Variants in ASF1A observed in about 807,000 individuals in gnomAD.
ASF1A encodes histone chaperone ASF1A.
Under a neutral mutation model 22.0 loss-of-function variants are expected in ASF1A, and 5 were observed. That is an observed-to-expected ratio of 0.23 (90% CI 0.12 to 0.48). The LOEUF (loss-of-function observed/expected upper bound fraction) is 0.48, where lower values mean the gene tolerates loss of function less well. ASF1A is among the 20% of genes least tolerant of loss of function. The pLI is 0.99. For synonymous variants in ASF1A, 97 were observed against 86.7 expected, an observed-to-expected ratio of 1.12 and a Z score of -0.66; for missense variants, 137 against 240.6, an observed-to-expected ratio of 0.57 and a Z score of 2.85.
In ASF1A at chr6:118,907,431, C is replaced by T; in HGVS notation, c.432C>T (p.Pro144=). 1.9e-6 allele frequency: 3 copies of T among 1,608,362 alleles called. No individual in the cohort carries two copies. The highest frequency in any genetic ancestry group is 2.5e-6 in the Non-Finnish European group (3 of 1,176,880). ...AAAGGAATATTTTGGCATCTAATCC[C>T]AGGGTCACAAGATTCCACATTAATT... ...KLQRNILASN[P]RVTRFHINWE... The change falls in exon 4 of 4, where the codon CCC becomes CCT. Residue 144 remains proline, a synonymous_variant. Transcript: ENST00000229595.
intron 1 of ASF1A, among the ~76,000 whole-genome samples, chr6:118,894,801 G>C (rs930905206): frequency 4.6e-5 from 7 of 152,332 alleles, no homozygotes; most frequent in Admixed American, 2.6e-4. Flanking sequence ...GGGCAGCTCG[G>C]AGACCCGCAC....
chr6:118,899,189 T>C (rs1454181033), intron 1 of ASF1A, among the ~76,000 whole-genome samples: 3 of 152,232 alleles, frequency 2.0e-5, no homozygotes, highest in Non-Finnish European at 4.4e-5. Context: ...TTACACTCTA[T>C]ATTGAACACA....
chr6:118,906,157 C>CT (rs1470939073), intron 3 of ASF1A, among the ~76,000 whole-genome samples: 1 of 152,182 alleles, frequency 6.6e-6, no homozygotes, highest in East Asian at 1.9e-4. Flanking sequence ...ACTGCAACCT[C>CT]TGCCTCCTAG....
In ASF1A at chr6:118,907,538, C is replaced by T. The variant is rs1213766722; in HGVS notation, c.539C>T (p.Pro180Leu). The change falls in exon 4 of 4, where the codon CCT (proline) becomes CTT (leucine). Residue 180 changes from proline (P) to leucine (L), a missense_variant. Physicochemically the swap from Pro to Leu is moderately conservative, Grantham distance 98 (BLOSUM62 -3). Around this residue, in one of 2 missense-constraint regions of ASF1A, gnomAD observed 41 missense variants for 43.9 expected, o/e 0.93. Coordinates refer to ENST00000229595, the MANE Select transcript of ASF1A (RefSeq NM_014034.3). ...TCACTTCTTTCAACAGATGCATTAC[C>T]TTCAGCATCAAAGGGATGGTCCACA... Reference protein sequence around the residue: ...LQSLLSTDALPSASKGWSTSE... With the variant: ...LQSLLSTDALLSASKGWSTSE... 4 of 1,613,664 alleles carry T rather than the reference C, an allele frequency of 2.5e-6. No homozygotes were observed. Among genetic ancestry groups the T allele is most frequent in the Non-Finnish European group, 3.4e-6 (4 of 1,179,680 alleles).
intron 2 of ASF1A, among the ~76,000 whole-genome samples, chr6:118,901,258 C>T (rs1779782298): frequency 6.6e-6 from 1 of 152,160 alleles, no homozygotes; most frequent in South Asian, 2.1e-4. Flanking sequence ...CTAAAACTAA[C>T]TGGCATTGTT....
In ASF1A at chr6:118,907,871, C is replaced by T. The variant is rs1780281022; in HGVS notation, c.*257C>T. The T allele has an allele frequency of 3.0e-6, 1 of 328,134 alleles. No individual in the cohort carries two copies. Among genetic ancestry groups the T allele is most frequent in the Non-Finnish European group, 5.6e-6 (1 of 177,678 alleles). 20.3% of individuals were successfully genotyped at this position (328,134 alleles called of 1,614,324 possible). On this transcript the variant is annotated 3_prime_UTR_variant, in exon 4 of 4. Coordinates refer to ENST00000229595, the MANE Select transcript of ASF1A (RefSeq NM_014034.3). ...ATTAAAGCATATATATTATTTTCTTCTCCTTTATATGTAATGAAAGCACTT... is the reference window on the plus strand; with the variant it reads ...ATTAAAGCATATATATTATTTTCTTTTCCTTTATATGTAATGAAAGCACTT...
intron 1 of ASF1A, among the ~76,000 whole-genome samples, chr6:118,899,843 T>A (rs1779681789): frequency 6.6e-6 from 1 of 152,212 alleles, no homozygotes; most frequent in Non-Finnish European, 1.5e-5. Context: ...TAACAGTGTG[T>A]TGAATGCAAG....
At chr6:118,902,701 C>A (rs906331142) in intron 2 of ASF1A, among the ~76,000 whole-genome samples, 2 of 152,098 alleles carry the variant, frequency 1.3e-5, no homozygotes, top group Non-Finnish European at 2.9e-5. Context: ...GTGATCTTCA[C>A]GTAGTTTTAC....
chr6:118,902,528 CTT>C (rs33980013), intron 2 of ASF1A, among the ~76,000 whole-genome samples: 11 of 131,474 alleles, frequency 8.4e-5, no homozygotes, highest in African/African-American at 2.0e-4. Flanking sequence ...ACTGATAATA[CTT>C]TTTTTTTTTT....
chr6:118,901,516 T>C (rs1393566902), intron 2 of ASF1A, among the ~76,000 whole-genome samples: 1 of 152,196 alleles, frequency 6.6e-6, no homozygotes, highest in African/African-American at 2.4e-5. Flanking sequence ...GTGAAGAGAA[T>C]TTCTAGTAAT....
chr6:118,899,959 CAA>C (rs1779691671), intron 1 of ASF1A, among the ~76,000 whole-genome samples: 1 of 152,142 alleles, frequency 6.6e-6, no homozygotes, highest in African/African-American at 2.4e-5. Flanking sequence ...GAGACTCCTC[CAA>C]AGAGTTCTAC....
At chr6:118,896,836 A>AT (rs11304871) in intron 1 of ASF1A, among the ~76,000 whole-genome samples, 75 of 149,656 alleles carry the variant, frequency 5.0e-4, no homozygotes, top group East Asian at 1.4e-3. Flanking sequence ...AAACTATAGA[A>AT]TTTTTTTTTT....
intron 2 of ASF1A, 76 bp downstream of exon 2, chr6:118,900,957 T>A: frequency 9.6e-7 from 1 of 1,042,714 alleles, no homozygotes; most frequent in Non-Finnish European, 1.5e-6. Context: ...CTTATAACCC[T>A]TATCCCTTTC....
At chr6:118,898,682 T>C (rs2114509443) in intron 1 of ASF1A, among the ~76,000 whole-genome samples, 1 of 152,318 alleles carries the variant, frequency 6.6e-6, no homozygotes, top group East Asian at 1.9e-4. Flanking sequence ...CCTCCCACAA[T>C]GCTGGGATTA....
chr6:118,900,745 G>C (rs1486892132), intron 1 of ASF1A, 21 bp from the exon 2 acceptor site: 1 of 1,484,272 alleles, frequency 6.7e-7, no homozygotes, highest in Non-Finnish European at 9.4e-7. Flanking sequence ...ATGAAATAAT[G>C]CTTTGGTTTT....
intron 2 of ASF1A, 143 bp downstream of exon 2, chr6:118,901,024 T>A (rs1430384861): frequency 6.5e-6 from 4 of 616,488 alleles, no homozygotes; most frequent in Non-Finnish European, 1.2e-5. Flanking sequence ...TTCCATCATG[T>A]TTTAGGCAGT....
chr6:118,908,128 G>C lies in ASF1A; in HGVS notation c.*514G>C, dbSNP rs1393415393. 1 of 152,692 alleles carries C rather than the reference G, an allele frequency of 6.5e-6. No homozygotes were observed. The highest frequency in any genetic ancestry group is 6.5e-5 in the Admixed American group (1 of 15,364). The allele number at this position is 152,692 out of a possible 1,614,324, so 9.5% of individuals were successfully genotyped here. A position where few individuals can be genotyped will look rare whatever the true frequency, so the allele number is the denominator to read the frequency against. On this transcript the variant is annotated 3_prime_UTR_variant, in exon 4 of 4. Transcript: ENST00000229595. The stretch of plus-strand genomic sequence containing the variant: ...CAACTATATGCTACCAAGAACTTTA[G>C]GATCCAATTTTCCAAGCCACCGTGA...
Position 118,907,271 on chromosome 6 carries a change from G to C in ASF1A, c.403-131G>C, listed in dbSNP as rs1414048687. On this transcript the variant is annotated intron_variant, in intron 3 of 3. Coordinates refer to ENST00000229595, the MANE Select transcript of ASF1A (RefSeq NM_014034.3). ...TAGTTATATTTAAGGTACTTAACTT[G>C]AATTATACCTTTGTATATGAACTTA... 30 of 636,168 alleles carry C rather than the reference G, an allele frequency of 4.7e-5. No individual in the cohort carries two copies. The South Asian group carries it at 6.0e-4, about 13-fold the overall frequency. 39.4% of individuals were successfully genotyped at this position (636,168 alleles called of 1,614,324 possible).
At chr6:118,904,077 TG>T (rs1779997558) in intron 2 of ASF1A, among the ~76,000 whole-genome samples, 1 of 143,694 alleles carries the variant, frequency 7.0e-6, no homozygotes. Flanking sequence ...TTTAATAATC[TG>T]AGGTTTTAAA....
Sources: allele counts gnomAD v4.1 joint callset (sites outside exome capture counted in the v4.1 genomes callset), GRCh38; gene constraint gnomAD v4.1.1; regional missense constraint gnomAD v4.1.1; transcripts MANE v1.5; gene names NCBI Gene and HGNC (gene_info 2026-07-23, HGNC 2026-07-21).